Variants in ATP5F1C observed in about 807,000 individuals in gnomAD.
ATP5F1C encodes the protein ATP synthase F(1) complex subunit gamma, mitochondrial.
ATP5F1C carries 22 observed loss-of-function variants against 37.4 expected under a neutral mutation model. The ratio of observed to expected loss-of-function variants is 0.59; its 90% confidence interval spans 0.42 to 0.84. ATP5F1C has a LOEUF of 0.84. Ranked by LOEUF, ATP5F1C falls within the 40% of genes least tolerant of loss-of-function variation. ATP5F1C has a pLI of 0.00. For missense variants in ATP5F1C, 286 were observed against 362.4 expected, an observed-to-expected ratio of 0.79 and a Z score of 1.71; for synonymous variants, 121 against 128.0, an observed-to-expected ratio of 0.95 and a Z score of 0.37.
chr10:7,802,546 G>C, intron 7 of ATP5F1C, 121 bp downstream of exon 7: 1 of 1,249,800 alleles, frequency 8.0e-7, no homozygotes, highest in Non-Finnish European at 1.1e-6. Context: ...TCCTGTACCT[G>C]TAAGAAAGTA....
At chr10:7,800,617 C>T (rs1175369021) in intron 6 of ATP5F1C, among the ~76,000 whole-genome samples, 1 of 151,974 alleles carries the variant, frequency 6.6e-6, no homozygotes, top group Non-Finnish European at 1.5e-5. Flanking sequence ...GCCTCAGCCT[C>T]CCAAGTAGCT....
chr10:7,797,651 G>A (rs933648340), intron 3 of ATP5F1C, among the ~76,000 whole-genome samples: 1 of 152,094 alleles, frequency 6.6e-6, no homozygotes, highest in African/African-American at 2.4e-5. Context: ...GGACTGCAGC[G>A]GGGGCGGGTG....
intron 8 of ATP5F1C, chr10:7,804,150 T>C (rs1836428318): frequency 1.9e-6 from 1 of 518,968 alleles, no homozygotes; most frequent in African/African-American, 1.9e-5. Context: ...TTTAAAGGGA[T>C]ATAAGAAAAA....
At chr10:7,790,374 C>A (rs1836143904) in intron 1 of ATP5F1C, among the ~76,000 whole-genome samples, 1 of 151,960 alleles carries the variant, frequency 6.6e-6, no homozygotes, top group African/African-American at 2.4e-5. Context: ...AATACTCTAA[C>A]GTTTTGAAAA....
intron 1 of ATP5F1C, among the ~76,000 whole-genome samples, chr10:7,791,452 C>T (rs1012614116): frequency 6.6e-6 from 1 of 152,144 alleles, no homozygotes; most frequent in Non-Finnish European, 1.5e-5. Flanking sequence ...GCCAATATTG[C>T]TTGCTTTTTA....
chr10:7,790,905 TC>T (rs1407595196), intron 1 of ATP5F1C, among the ~76,000 whole-genome samples: 2 of 152,220 alleles, frequency 1.3e-5, no homozygotes, highest in Non-Finnish European at 2.9e-5. Context: ...CTGATAGGGA[TC>T]CAAATGCTGT....
At chr10:7,792,618 T>TC (rs1240700318) in intron 1 of ATP5F1C, among the ~76,000 whole-genome samples, 1 of 152,214 alleles carries the variant, frequency 6.6e-6, no homozygotes, top group Non-Finnish European at 1.5e-5. Flanking sequence ...TTGCTTTTTT[T>TC]CAGATGGCCT....
intron 1 of ATP5F1C, among the ~76,000 whole-genome samples, chr10:7,790,010 T>C (rs1836137423): frequency 6.6e-6 from 1 of 152,236 alleles, no homozygotes; most frequent in African/African-American, 2.4e-5. Flanking sequence ...TCAACAGTGT[T>C]CCACTATGAA....
intron 3 of ATP5F1C, among the ~76,000 whole-genome samples, chr10:7,798,468 A>G (rs2131065875): frequency 6.6e-6 from 1 of 151,814 alleles, no homozygotes; most frequent in African/African-American, 2.4e-5. Context: ...GTGCAGTGGC[A>G]TAATCTCAGC....
chr10:7,796,111 T>C lies in ATP5F1C; in HGVS notation c.57-10T>C, dbSNP rs201306876. 428 of 1,588,974 alleles carry C rather than the reference T, an allele frequency of 2.7e-4. No homozygotes were observed. Among genetic ancestry groups the C allele is most frequent in the Non-Finnish European group, 3.4e-4 (400 of 1,171,434 alleles). On this transcript the variant is annotated splice_polypyrimidine_tract_variant and intron_variant, in intron 1 of 9. Coordinates refer to ENST00000356708, the MANE Select transcript of ATP5F1C (RefSeq NM_001001973.3). Reference sequence around the variant, plus strand: ...AAAAACTGAAACATTTTTAAAACTTTTATCCTCAGGATTCAAGTTCGAAAT... The same window carrying C: ...AAAAACTGAAACATTTTTAAAACTTCTATCCTCAGGATTCAAGTTCGAAAT...
At chr10:7,799,676 G>C in intron 4 of ATP5F1C, 96 bp from the exon 5 acceptor site, 20 of 1,444,150 alleles carry the variant, frequency 1.4e-5, no homozygotes, top group Non-Finnish European at 1.8e-5. Context: ...CAAAAGACCT[G>C]ATCCATGGTG....
chr10:7,806,856 G>A, intron 8 of ATP5F1C, 118 bp from the exon 9 acceptor site: 1 of 768,018 alleles, frequency 1.3e-6, no homozygotes, highest in South Asian at 1.6e-5. Context: ...ATGTACTCAA[G>A]GTATCAAGTT....
chr10:7,805,497 C>T (rs898753930), intron 8 of ATP5F1C, among the ~76,000 whole-genome samples: 1 of 152,086 alleles, frequency 6.6e-6, no homozygotes, highest in African/African-American at 2.4e-5. Flanking sequence ...CCTGTAATCT[C>T]AGCACTTTGG....
chr10:7,788,200 T>TG lies in ATP5F1C; in HGVS notation c.-6dup. 5 of 1,613,282 alleles carry TG rather than the reference T, an allele frequency of 3.1e-6. No homozygotes were observed. Among genetic ancestry groups the TG allele is most frequent in the Non-Finnish European group, 4.2e-6 (5 of 1,179,908 alleles). On this transcript the variant is annotated 5_prime_UTR_variant, in exon 1 of 10. Coordinates refer to ENST00000356708, the MANE Select transcript of ATP5F1C (RefSeq NM_001001973.3). ...GCCTGACCGACCTTCAGCAGGGCTG[T>TG]GGCTACCATGTTCTCTCGCGCGGGT...
chr10:7,794,500 GT>G (rs56239627), intron 1 of ATP5F1C, among the ~76,000 whole-genome samples: 30,273 of 146,458 alleles, frequency 0.21, 3,478 homozygotes, highest in East Asian at 0.53. Flanking sequence ...TTTGTGTGTT[GT>G]TTTTTTTTTT....
At chr10:7,798,638 C>T (rs1195198656) in intron 3 of ATP5F1C, among the ~76,000 whole-genome samples, 3 of 152,150 alleles carry the variant, frequency 2.0e-5, no homozygotes, top group South Asian at 2.1e-4. Flanking sequence ...CCTTGTGATC[C>T]GCCCGCCTTG....
intron 1 of ATP5F1C, among the ~76,000 whole-genome samples, chr10:7,791,790 G>A (rs1836168548): frequency 6.6e-6 from 1 of 152,224 alleles, no homozygotes; most frequent in Non-Finnish European, 1.5e-5. Context: ...AATTAAAGTA[G>A]TAACATAGAC....
At chr10:7,795,906 C>T (rs1836229786) in intron 1 of ATP5F1C, among the ~76,000 whole-genome samples, 1 of 152,170 alleles carries the variant, frequency 6.6e-6, no homozygotes, top group African/African-American at 2.4e-5. Context: ...GTGGTACAGA[C>T]AGGCCAAATA....
intron 6 of ATP5F1C, among the ~76,000 whole-genome samples, chr10:7,800,660 A>T (rs1402348765): frequency 6.6e-6 from 1 of 151,674 alleles, no homozygotes; most frequent in Admixed American, 6.6e-5. Flanking sequence ...ACGCCTGGCT[A>T]ATTTTTGTAT....
Sources: gnomAD v4.1 joint callset for allele counts (sites outside exome capture counted in the v4.1 genomes callset) on GRCh38, gnomAD v4.1.1 for gene constraint, MANE v1.5 for transcripts, NCBI Gene and HGNC (gene_info 2026-07-23, HGNC 2026-07-21) for gene names.